Variants in ADARB2 observed in about 807,000 individuals in gnomAD.
The protein encoded by ADARB2 is adenosine deaminase RNA specific B2 (inactive), also known as inactive double-stranded RNA-specific editase B2.
Under a neutral mutation model 62.2 loss-of-function variants are expected in ADARB2, and 25 were observed. The observed-to-expected ratio is 0.40, with a 90% CI of 0.29 to 0.56. The LOEUF (loss-of-function observed/expected upper bound fraction) is 0.56, where lower values mean the gene tolerates loss of function less well. ADARB2 is among the 20% of genes least tolerant of loss of function. The pLI is 0.43. For missense variants in ADARB2, 1,071 were observed against 1,077.4 expected (o/e 0.99, Z 0.08); for synonymous variants, 572 against 500.8 (o/e 1.14, Z -1.90).
intron 1 of ADARB2, among the ~76,000 whole-genome samples, chr10:1,524,833 A>G (rs1266907656): frequency 2.0e-5 from 3 of 152,148 alleles, no homozygotes; most frequent in African/African-American, 7.2e-5. Context: ...CTGTAATTCT[A>G]TGTTGAGAAT....
At chr10:1,530,058 T>G (rs769560708) in intron 1 of ADARB2, among the ~76,000 whole-genome samples, 26 of 151,326 alleles carry the variant, frequency 1.7e-4, no homozygotes, top group Non-Finnish European at 1.3e-4. Context: ...TGGGCGCCTA[T>G]CCACTGCTTC....
intron 1 of ADARB2, among the ~76,000 whole-genome samples, chr10:1,502,463 TGA>T (rs1332149118): frequency 1.3e-5 from 2 of 152,248 alleles, no homozygotes; most frequent in African/African-American, 4.8e-5. Flanking sequence ...TTCAAAATCC[TGA>T]GATTCCCAGC....
chr10:1,423,491 G>T (rs953711822), intron 1 of ADARB2, among the ~76,000 whole-genome samples: 2 of 145,026 alleles, frequency 1.4e-5, no homozygotes, highest in African/African-American at 5.2e-5. Flanking sequence ...GGGACTCAAA[G>T]GTTCTAGGGG....
chr10:1,466,025 A>G (rs1031367266), intron 1 of ADARB2, among the ~76,000 whole-genome samples: 3 of 152,220 alleles, frequency 2.0e-5, no homozygotes, highest in Non-Finnish European at 4.4e-5. Context: ...TTAAACTAAG[A>G]AGACAAGAAC....
chr10:1,371,878 C>T (rs1300347418), intron 2 of ADARB2, among the ~76,000 whole-genome samples: 4 of 130,002 alleles, frequency 3.1e-5, no homozygotes, highest in Non-Finnish European at 7.1e-5. Flanking sequence ...TAAACTAATT[C>T]CACTTCTATG....
At chr10:1,516,216 G>A (rs75508156) in intron 1 of ADARB2, among the ~76,000 whole-genome samples, 2,159 of 152,170 alleles carry the variant, frequency 0.014, 55 homozygotes, top group African/African-American at 0.049. Context: ...CTGCAGCTGC[G>A]TCCCTTACCC....
chr10:1,217,057 C>A lies in ADARB2; in HGVS notation c.1576G>T (p.Gly526Trp). Reference protein sequence around the residue: ...RGHLRTKIESGEGTVPVRGPS... With the variant: ...RGHLRTKIESWEGTVPVRGPS... ...CCACGCACGGGGACCGTCCCTTCCC[C>A]GGACTCGATCTTGGTGCGCAGGTGC... Residue 526 changes from glycine to tryptophan, a missense_variant, in exon 7 of 10, where the codon GGG (glycine) becomes TGG (tryptophan). By Grantham distance (184) the Gly-to-Trp change is radical (BLOSUM62 -2). Transcript: ENST00000381312. 1 of 1,609,928 alleles carries A rather than the reference C, an allele frequency of 6.2e-7. No homozygotes were observed. Among genetic ancestry groups the A allele is most frequent in the East Asian group, 2.2e-5 (1 of 44,694 alleles).
intron 1 of ADARB2, among the ~76,000 whole-genome samples, chr10:1,508,076 C>T (rs187552554): frequency 6.6e-6 from 1 of 152,284 alleles, no homozygotes; most frequent in East Asian, 1.9e-4. Context: ...CCGAGTGGTG[C>T]GTTCATCAGG....
intron 1 of ADARB2, among the ~76,000 whole-genome samples, chr10:1,583,450 G>C (rs1833133393): frequency 1.3e-5 from 2 of 152,186 alleles, no homozygotes; most frequent in South Asian, 4.1e-4. Context: ...AGGCCTAAAG[G>C]AGATGAATGG....
chr10:1,339,419 T>C (rs1832002918), intron 3 of ADARB2, among the ~76,000 whole-genome samples: 1 of 152,240 alleles, frequency 6.6e-6, no homozygotes, highest in Admixed American at 6.5e-5. Context: ...CTTCGTTTCA[T>C]TCATGTAATA....
chr10:1,621,927 G>C (rs1833708789), intron 1 of ADARB2, among the ~76,000 whole-genome samples: 1 of 151,552 alleles, frequency 6.6e-6, no homozygotes, highest in South Asian at 2.1e-4. Context: ...AAACAATTTT[G>C]CAAAAAAATA....
At chr10:1,503,743 G>A (rs1019728904) in intron 1 of ADARB2, among the ~76,000 whole-genome samples, 1 of 152,098 alleles carries the variant, frequency 6.6e-6, no homozygotes. Context: ...CTGACCTCGT[G>A]ATAGTAAGTG....
intron 1 of ADARB2, among the ~76,000 whole-genome samples, chr10:1,422,049 C>G (rs1832856581): frequency 6.6e-6 from 1 of 152,186 alleles, no homozygotes; most frequent in African/African-American, 2.4e-5. Context: ...GGGAAGCCCC[C>G]ACCAAAAGGC....
At chr10:1,387,650 C>T (rs1832536080) in intron 1 of ADARB2, among the ~76,000 whole-genome samples, 2 of 151,926 alleles carry the variant, frequency 1.3e-5, no homozygotes, top group South Asian at 4.1e-4. Context: ...AGAGAGCTCC[C>T]TCTGGTGAAC....
intron 1 of ADARB2, among the ~76,000 whole-genome samples, chr10:1,567,348 C>T (rs749081234): frequency 5.3e-5 from 8 of 152,202 alleles, no homozygotes; most frequent in African/African-American, 1.4e-4. Flanking sequence ...AGCTCGCAGG[C>T]GTGAACCCAG....
intron 8 of ADARB2, among the ~76,000 whole-genome samples, chr10:1,195,165 C>T (rs932818891): frequency 3.3e-5 from 5 of 152,266 alleles, no homozygotes; most frequent in East Asian, 3.9e-4. Context: ...GAAAATCTCC[C>T]CTCCCATCCC....
At chr10:1,641,253 A>G (rs1275959653) in intron 1 of ADARB2, among the ~76,000 whole-genome samples, 3 of 152,254 alleles carry the variant, frequency 2.0e-5, no homozygotes, top group Non-Finnish European at 4.4e-5. Flanking sequence ...AGCATGGATT[A>G]GCTCCAAAAG....
intron 1 of ADARB2, among the ~76,000 whole-genome samples, chr10:1,548,964 G>T (rs1005045439): frequency 6.6e-6 from 1 of 152,186 alleles, no homozygotes; most frequent in Non-Finnish European, 1.5e-5. Flanking sequence ...GGCCACAGGG[G>T]CGGGGGAGAG....
chr10:1,523,990 T>C (rs961801372), intron 1 of ADARB2, among the ~76,000 whole-genome samples: 16 of 152,174 alleles, frequency 1.1e-4, no homozygotes, highest in African/African-American at 3.9e-4. Context: ...CACCTATTCA[T>C]TTTTTAATTA....
Sources: gnomAD v4.1 joint callset for allele counts (sites outside exome capture counted in the v4.1 genomes callset) on GRCh38, gnomAD v4.1.1 for gene constraint, MANE v1.5 for transcripts, NCBI Gene and HGNC (gene_info 2026-07-23, HGNC 2026-07-21) for gene names.